Variants in MRPL1 observed in about 807,000 individuals in gnomAD.
MRPL1 encodes mitochondrial ribosomal protein L1, also known as large ribosomal subunit protein uL1m.
In MRPL1, 28 loss-of-function variants were observed where a neutral mutation model predicts 38.0. The observed-to-expected ratio is 0.74, with a 90% CI of 0.55 to 1.01. MRPL1 has a LOEUF of 1.01. Ranked by LOEUF, MRPL1 falls within the 50% of genes least tolerant of loss-of-function variation. The pLI, the probability that MRPL1 is intolerant of heterozygous loss-of-function variation, is 0.00. For synonymous variants in MRPL1, 123 were observed against 126.7 expected, an observed-to-expected ratio of 0.97 and a Z score of 0.20; for missense variants, 358 against 389.8, an observed-to-expected ratio of 0.92 and a Z score of 0.69.
At chr4:77,928,157 T>C (rs751167571) in intron 7 of MRPL1, among the ~76,000 whole-genome samples, 4 of 152,214 alleles carry the variant, frequency 2.6e-5, no homozygotes, top group Non-Finnish European at 5.9e-5. Flanking sequence ...CTGAAGCATA[T>C]TGTAACAAAA....
At chr4:77,886,794 T>TC (rs1735687031) in intron 4 of MRPL1, among the ~76,000 whole-genome samples, 1 of 137,374 alleles carries the variant, frequency 7.3e-6, no homozygotes, top group Non-Finnish European at 1.6e-5. Flanking sequence ...ATTTTCTTTT[T>TC]TTTTTTTTTT....
chr4:77,885,865 A>G (rs1735665598), intron 4 of MRPL1, among the ~76,000 whole-genome samples: 1 of 152,200 alleles, frequency 6.6e-6, no homozygotes, highest in African/African-American at 2.4e-5. Context: ...CATTAGTTTC[A>G]TCATTACTAG....
chr4:77,876,277 T>C (rs997348365), intron 2 of MRPL1, among the ~76,000 whole-genome samples: 2 of 152,202 alleles, frequency 1.3e-5, no homozygotes, highest in Non-Finnish European at 2.9e-5. Flanking sequence ...CCAGCCTCTT[T>C]ACTGTATTTC....
chr4:77,950,025 T>C, intron 8 of MRPL1, 147 bp downstream of exon 8: 1 of 468,570 alleles, frequency 2.1e-6, no homozygotes, highest in Non-Finnish European at 3.8e-6. Flanking sequence ...GCAAGTTTTA[T>C]ATTTCCAGGG....
intron 7 of MRPL1, among the ~76,000 whole-genome samples, chr4:77,931,891 T>C (rs937503013): frequency 1.3e-5 from 2 of 152,024 alleles, no homozygotes; most frequent in African/African-American, 2.4e-5. Context: ...TTAAAGTACA[T>C]GCCCTTAACT....
intron 7 of MRPL1, among the ~76,000 whole-genome samples, chr4:77,930,309 C>A (rs980407671): frequency 7.9e-5 from 12 of 152,158 alleles, no homozygotes; most frequent in African/African-American, 2.9e-4. Context: ...CTGGGCCTCA[C>A]AGCAGGAGGT....
chr4:77,915,598 A>G (rs1004543441), intron 7 of MRPL1, among the ~76,000 whole-genome samples: 1 of 152,076 alleles, frequency 6.6e-6, no homozygotes, highest in Non-Finnish European at 1.5e-5. Context: ...TATTTTTTGT[A>G]GAGACGGGTT....
chr4:77,950,614 C>T (rs1334404267), intron 8 of MRPL1, among the ~76,000 whole-genome samples: 2 of 152,184 alleles, frequency 1.3e-5, no homozygotes, highest in Non-Finnish European at 1.5e-5. Context: ...TTTTTACCTT[C>T]TTTGGGAGTT....
chr4:77,925,648 A>G (rs550004294), intron 7 of MRPL1, among the ~76,000 whole-genome samples: 2 of 147,852 alleles, frequency 1.4e-5, no homozygotes, highest in African/African-American at 5.0e-5. Flanking sequence ...TATATATGAG[A>G]TTTGTGAGGT....
intron 1 of MRPL1, among the ~76,000 whole-genome samples, chr4:77,871,147 G>A (rs1430657978): frequency 6.6e-6 from 1 of 151,992 alleles, no homozygotes; most frequent in Non-Finnish European, 1.5e-5. Context: ...CTTGAACCCA[G>A]GAGTTCAAGG....
chr4:77,949,851 G>A lies in MRPL1; in HGVS notation c.832G>A (p.Val278Ile). The A allele has an allele frequency of 5.6e-6, 9 of 1,611,404 alleles. No homozygotes were observed. The highest frequency in any genetic ancestry group is 7.6e-6 in the Non-Finnish European group (9 of 1,178,574). Residue 278 changes from valine to isoleucine, a missense_variant, in exon 8 of 9, where the codon GTT becomes ATT. Transcript: ENST00000315567. ...AANLQAVINE[V>I]CRHRPLNLGP... Reference sequence around the variant, plus strand: ...CAATCTGCAAGCAGTTATTAATGAAGTTTGTAGGCACAGACCGCTGAATTT... The same window carrying A: ...CAATCTGCAAGCAGTTATTAATGAAATTTGTAGGCACAGACCGCTGAATTT...
intron 6 of MRPL1, among the ~76,000 whole-genome samples, chr4:77,901,611 C>G (rs1336331846): frequency 1.3e-5 from 2 of 151,788 alleles, no homozygotes; most frequent in Non-Finnish European, 2.9e-5. Flanking sequence ...TAATATCAGA[C>G]AAAATAGACT....
intron 7 of MRPL1, among the ~76,000 whole-genome samples, chr4:77,942,486 G>T (rs943842296): frequency 8.6e-5 from 13 of 152,022 alleles, no homozygotes; most frequent in Non-Finnish European, 4.4e-5. Context: ...CTATTATTGT[G>T]TTGCTGTCTA....
At chr4:77,915,986 A>G (rs6832015) in intron 7 of MRPL1, among the ~76,000 whole-genome samples, 33,250 of 152,122 alleles carry the variant, frequency 0.22, 4,388 homozygotes, top group African/African-American at 0.36. Flanking sequence ...GATAAAAGGG[A>G]AAAGTCTTAG....
chr4:77,875,881 TC>T (rs1482608751), intron 2 of MRPL1, among the ~76,000 whole-genome samples: 22 of 152,162 alleles, frequency 1.4e-4, no homozygotes, highest in African/African-American at 5.3e-4. Flanking sequence ...CCAGTTTATA[TC>T]CCCACTTAGT....
intron 7 of MRPL1, among the ~76,000 whole-genome samples, chr4:77,941,430 G>A (rs943952066): frequency 6.6e-6 from 1 of 152,138 alleles, no homozygotes; most frequent in Non-Finnish European, 1.5e-5. Context: ...GTGGAATAGT[G>A]TCAGTAGGAT....
intron 5 of MRPL1, among the ~76,000 whole-genome samples, chr4:77,889,805 C>T (rs1029042050): frequency 2.0e-5 from 3 of 152,120 alleles, no homozygotes; most frequent in Admixed American, 2.0e-4. Context: ...GATATCACCA[C>T]CGATCCCACA....
At chr4:77,935,481 C>T (rs1447422278) in intron 7 of MRPL1, among the ~76,000 whole-genome samples, 1 of 151,968 alleles carries the variant, frequency 6.6e-6, no homozygotes, top group Non-Finnish European at 1.5e-5. Flanking sequence ...GCAGCCTCTG[C>T]CTCCCGGATT....
chr4:77,896,989 G>A (rs76794447), intron 6 of MRPL1, among the ~76,000 whole-genome samples: 10,590 of 151,986 alleles, frequency 0.07, 581 homozygotes, highest in African/African-American at 0.15. Context: ...ATATAGATAT[G>A]TTTTGTTAAT....
Sources: allele counts gnomAD v4.1 joint callset (sites outside exome capture counted in the v4.1 genomes callset), GRCh38; gene constraint gnomAD v4.1.1; transcripts MANE v1.5; gene names NCBI Gene and HGNC (gene_info 2026-07-23, HGNC 2026-07-21).